Variants in USP6NL observed in about 807,000 individuals in gnomAD.
The protein encoded by USP6NL is USP6 N-terminal-like protein.
USP6NL carries 26 observed loss-of-function variants against 61.9 expected under a neutral mutation model. That is an observed-to-expected ratio of 0.42 (90% CI 0.31 to 0.58). The LOEUF is 0.58. USP6NL is among the 20% of genes least tolerant of loss of function. The pLI is 0.16. For missense variants in USP6NL, 1,114 were observed against 1,034.3 expected (o/e 1.08, Z -1.06); for synonymous variants, 432 against 390.1 (o/e 1.11, Z -1.27).
At chr10:11,568,248 T>C (rs999589666) in intron 2 of USP6NL, among the ~76,000 whole-genome samples, 1 of 152,072 alleles carries the variant, frequency 6.6e-6, no homozygotes, top group African/African-American at 2.4e-5. Context: ...TTCAAGAGGT[T>C]ACCATAAAAA....
chr10:11,497,921 A>C (rs2133293729), intron 7 of USP6NL, among the ~76,000 whole-genome samples: 1 of 152,270 alleles, frequency 6.6e-6, no homozygotes, highest in African/African-American at 2.4e-5. Flanking sequence ...GCAGAAGTAC[A>C]GTGGAAAGCA....
rs1033642638 is a variant in USP6NL at position 11,468,254 on chromosome 10, C to G, written c.1079-4405G>C. On this transcript the variant is annotated intron_variant, in intron 14 of 14. Transcript: ENST00000609104. This position sits in a 1 kb window ranked among gnomAD's most constrained non-coding sequence, Gnocchi z 4.5. ...GGAACTACATTTTTCTTATCGCTGC[C>G]CTTCAAACACCTGCTTGGCTCCACA... Among the ~76,000 whole-genome samples, 5 of 152,118 alleles carry G rather than the reference C, an allele frequency of 3.3e-5. No homozygotes were observed. The highest frequency in any genetic ancestry group is 1.2e-4 in the African/African-American group (5 of 41,402).
rs1440767276 is a variant in USP6NL at position 11,510,462 on chromosome 10, C to T, written c.196-787G>A. ...GCCGACAGCAGCTCCAAAGGGTTTA[C>T]AAAAAAGCATCAGGACACCAGGCTG... On this transcript the variant is annotated intron_variant, in intron 5 of 14. Coordinates refer to ENST00000609104, the MANE Select transcript of USP6NL (RefSeq NM_014688.5). This position sits in a 1 kb window ranked among gnomAD's most constrained non-coding sequence, Gnocchi z 4.8. 1.3e-5 allele frequency among the ~76,000 whole-genome samples: 2 copies of T among 152,006 alleles called. No individual in the cohort carries two copies. The highest frequency in any genetic ancestry group is 2.9e-5 in the Non-Finnish European group (2 of 67,972).
intron 6 of USP6NL, among the ~76,000 whole-genome samples, chr10:11,503,183 C>A (rs536353344): frequency 1.1e-4 from 17 of 152,238 alleles, no homozygotes; most frequent in African/African-American, 3.1e-4. Flanking sequence ...GAAATCACTG[C>A]AAATGCTAAA....
intron 7 of USP6NL, among the ~76,000 whole-genome samples, chr10:11,493,952 G>A (rs1215805473): frequency 6.6e-6 from 1 of 152,166 alleles, no homozygotes; most frequent in Non-Finnish European, 1.5e-5. Context: ...CCACCTGCTG[G>A]GGTGGTTTTC....
Position 11,460,642 on chromosome 10 carries a change from T to TATATATATAA in USP6NL, c.*1798_*1799insTTATATATAT, listed in dbSNP as rs2096211032. 6.9e-6 allele frequency: 1 copy of TATATATATAA among 145,694 alleles called. No homozygotes were observed. The highest frequency in any genetic ancestry group is 2.5e-5 in the African/African-American group (1 of 39,574). 9.0% of individuals were successfully genotyped at this position (145,694 alleles called of 1,614,324 possible). A position where few individuals can be genotyped will look rare whatever the true frequency, so the allele number is the denominator to read the frequency against. On this transcript the variant is annotated 3_prime_UTR_variant, in exon 15 of 15. Transcript: ENST00000609104. Reference sequence around the variant, plus strand: ...TTTTTTGCATATATATATATATATATATATATATATATAAAAATCTACAGT... The same window carrying TATATATATAA: ...TTTTTTGCATATATATATATATATATATATATATAAATATATATATATAAAAATCTACAGT...
rs1304671253 is a variant in USP6NL, at chr10:11,489,994, T to C, written c.544-772A>G. Among the ~76,000 whole-genome samples the C allele has an allele frequency of 6.6e-6, 1 of 152,136 alleles. No homozygotes were observed. The highest frequency in any genetic ancestry group is 1.5e-5 in the Non-Finnish European group (1 of 68,030). On this transcript the variant is annotated intron_variant, in intron 9 of 14. Coordinates refer to ENST00000609104, the MANE Select transcript of USP6NL (RefSeq NM_014688.5). This position sits in a 1 kb window ranked among gnomAD's most constrained non-coding sequence, Gnocchi z 5.7. ...AACTGAACAGTTCACAGAGATCATC[T>C]GAGATACTGAGTGGCCCCCAGAATG...
In USP6NL at chr10:11,462,941, G is replaced by A. The variant is rs1465131844; in HGVS notation, c.1987C>T (p.Gln663Ter). ...FASPQFSPGT[Q>*]LNPSRRPHGS... is the part of the protein sequence containing the mutation. ...TGAGGTCTCCTGGAAGGATTCAGTT[G>A]AGTCCCAGGGCTAAACTGTGGAGAA... Residue 663 changes from glutamine (Q) to a stop codon, truncating the protein, a stop_gained, in exon 15 of 15, where the codon CAA becomes TAA. Coordinates refer to ENST00000609104, the MANE Select transcript of USP6NL (RefSeq NM_014688.5). LOFTEE classifies it low-confidence loss of function (END_TRUNC). The A allele has an allele frequency of 6.2e-7, 1 of 1,613,492 alleles. No individual in the cohort carries two copies. Among genetic ancestry groups the A allele is most frequent in the East Asian group, 2.2e-5 (1 of 44,878 alleles).
chr10:11,536,425 T>C (rs1448612976), intron 2 of USP6NL, among the ~76,000 whole-genome samples: 1 of 152,226 alleles, frequency 6.6e-6, no homozygotes, highest in Non-Finnish European at 1.5e-5. Context: ...GAGCATTTTG[T>C]GCCTGGCTAG....
At position 11,495,545 on chromosome 10, in the gene USP6NL, GCTTTTATAACTGA is replaced by G. The variant is rs1443809074; in HGVS notation, c.385-2330_385-2318del. Among the ~76,000 whole-genome samples, 1 of 151,624 alleles carries G rather than the reference GCTTTTATAACTGA, an allele frequency of 6.6e-6. No homozygotes were observed. Among genetic ancestry groups the G allele is most frequent in the Admixed American group, 6.6e-5 (1 of 15,244 alleles). The stretch of plus-strand genomic sequence containing the variant: ...TTTCTGTATTATTTTACATCTCTTT[GCTTTTATAACTGA>G]CATTCTGGGAATTTCTTCAATTGTC... On this transcript the variant is annotated intron_variant, in intron 7 of 14. Coordinates refer to ENST00000609104, the MANE Select transcript of USP6NL (RefSeq NM_014688.5). This position sits in a 1 kb window ranked among gnomAD's most constrained non-coding sequence, Gnocchi z 4.6.
chr10:11,494,492 C>T (rs979964246), intron 7 of USP6NL, among the ~76,000 whole-genome samples: 7 of 152,094 alleles, frequency 4.6e-5, no homozygotes, highest in African/African-American at 1.5e-4. Context: ...CGAGAGAGTG[C>T]AGAAATAAAG....
In USP6NL at chr10:11,509,665, A is replaced by G. The variant is rs376002367; in HGVS notation, c.206T>C (p.Leu69Pro). The change falls in exon 6 of 15, where the codon CTG (leucine) becomes CCG (proline). Residue 69 changes from leucine (L) to proline (P), a missense_variant. Coordinates refer to ENST00000609104, the MANE Select transcript of USP6NL (RefSeq NM_014688.5). ...HNVAVERQKHLEIERTTKWLK... is the reference protein window; with the variant it reads ...HNVAVERQKHPEIERTTKWLK... The stretch of plus-strand genomic sequence containing the variant: ...CCATTTGGTAGTTCTTTCAATTTCC[A>G]GGTGCTTTTGCTAAAATAAAATTGA... 27 of 1,562,890 alleles carry G rather than the reference A, an allele frequency of 1.7e-5. No individual in the cohort carries two copies. The highest frequency in any genetic ancestry group is 2.3e-5 in the Non-Finnish European group (27 of 1,152,582).
At position 11,548,390 on chromosome 10, in the gene USP6NL, A is replaced by G. The variant is rs930822139; in HGVS notation, c.5-20823T>C. On this transcript the variant is annotated intron_variant, in intron 2 of 14. Transcript: ENST00000609104. This position sits in a 1 kb window ranked among gnomAD's most constrained non-coding sequence, Gnocchi z 4.3. Reference sequence around the variant, plus strand: ...CAATTTAATGGGTTCTTATTAGCACATACTTAATTAAAATATCTCAGACCT... The same window carrying G: ...CAATTTAATGGGTTCTTATTAGCACGTACTTAATTAAAATATCTCAGACCT... 3.3e-5 allele frequency among the ~76,000 whole-genome samples: 5 copies of G among 152,200 alleles called. No homozygotes were observed. The highest frequency in any genetic ancestry group is 1.2e-4 in the African/African-American group (5 of 41,454).
rs1838206170 is a variant in USP6NL at position 11,593,081 on chromosome 10, G to T, written c.4+4550C>A. On this transcript the variant is annotated intron_variant, in intron 2 of 14. Transcript: ENST00000609104. The stretch of plus-strand genomic sequence containing the variant: ...ATTTCATTATTTAGAACAAAGGGCA[G>T]AATCAAACACTCCAGTGTCATAGAT... 2.0e-5 allele frequency among the ~76,000 whole-genome samples: 3 copies of T among 152,116 alleles called. No individual in the cohort carries two copies. In the South Asian group the frequency reaches 6.2e-4, roughly 32 times the overall value.
At chr10:11,588,187 T>G (rs1000498130) in intron 2 of USP6NL, among the ~76,000 whole-genome samples, 2 of 152,206 alleles carry the variant, frequency 1.3e-5, no homozygotes, top group Non-Finnish European at 2.9e-5. Context: ...GAGGAACTAT[T>G]CCAGATTGGA....
At chr10:11,546,464 C>T (rs182648393) in intron 2 of USP6NL, among the ~76,000 whole-genome samples, 28 of 152,192 alleles carry the variant, frequency 1.8e-4, no homozygotes, top group African/African-American at 5.5e-4. Context: ...TGAAGTGGCA[C>T]GATCTAGGTT....
rs1162185001 is a variant in USP6NL at position 11,562,120 on chromosome 10, A to G, written c.5-34553T>C. Among the ~76,000 whole-genome samples the G allele has an allele frequency of 6.6e-6, 1 of 152,170 alleles. No individual in the cohort carries two copies. Among genetic ancestry groups the G allele is most frequent in the Non-Finnish European group, 1.5e-5 (1 of 68,028 alleles). On this transcript the variant is annotated intron_variant, in intron 2 of 14. Coordinates refer to ENST00000609104, the MANE Select transcript of USP6NL (RefSeq NM_014688.5). The surrounding 1 kb of genome is among the most constrained non-coding windows in gnomAD (Gnocchi z 4.8). ...ATAGTGAAACTCCGTCTCTACTAAA[A>G]ATACAAAAAATTAGCTGGATGTGGT...
At position 11,471,490 on chromosome 10, in the gene USP6NL, G is replaced by GATTATAA. The variant is rs766648704; in HGVS notation, c.1079-7648_1079-7642dup. On this transcript the variant is annotated intron_variant, in intron 14 of 14. Coordinates refer to ENST00000609104, the MANE Select transcript of USP6NL (RefSeq NM_014688.5). Reference sequence around the variant, plus strand: ...CCCATTACTGGATATATACCCAAAGGATTATAAATCATGCTGCTATAAAGA... The same window carrying GATTATAA: ...CCCATTACTGGATATATACCCAAAGGATTATAAATTATAAATCATGCTGCTATAAAGA... Among the ~76,000 whole-genome samples, 4 of 152,234 alleles carry GATTATAA rather than the reference G, an allele frequency of 2.6e-5. No homozygotes were observed. The South Asian group carries it at 8.3e-4, about 32-fold the overall frequency.
At position 11,462,319 on chromosome 10, in the gene USP6NL, AACAG is replaced by A. The variant is rs1432660138; in HGVS notation, c.*118_*121del. On this transcript the variant is annotated 3_prime_UTR_variant, in exon 15 of 15. Transcript: ENST00000609104. ...GACATTTCCCTGTATTCTTACTACTAACAGACAGGAGAGATGTGCGAGTTGTTTA... is the reference window on the plus strand; with the variant it reads ...GACATTTCCCTGTATTCTTACTACTAACAGGAGAGATGTGCGAGTTGTTTA... 10 of 1,177,574 alleles carry A rather than the reference AACAG, an allele frequency of 8.5e-6. No homozygotes were observed. The highest frequency in any genetic ancestry group is 1.6e-5 in the African/African-American group (1 of 64,494). The allele number at this position is 1,177,574 out of a possible 1,614,324, so 72.9% of individuals were successfully genotyped here.
Sources: gnomAD v4.1 joint callset for allele counts (sites outside exome capture counted in the v4.1 genomes callset) on GRCh38, gnomAD v4.1.1 for gene constraint, Gnocchi (gnomAD v3.1) non-coding constraint, MANE v1.5 for transcripts, NCBI Gene and HGNC (gene_info 2026-07-23, HGNC 2026-07-21) for gene names.